The following ZNF592 variants were observed in gnomAD, a reference collection of about 807,000 sequenced individuals.
ZNF592 encodes the protein spinocerebellar ataxia, autosomal recessive 5.
A neutral mutation model predicts 80.3 loss-of-function variants in ZNF592; 11 were observed. That is an observed-to-expected ratio of 0.14 (90% confidence interval 0.09 to 0.23). ZNF592 has a LOEUF of 0.23. ZNF592 is among the 10% of genes least tolerant of loss of function. ZNF592 has a pLI of 1.00. For missense variants in ZNF592, 1,420 were observed against 1,633.9 expected (o/e 0.87, Z 2.26); for synonymous variants, 646 against 640.3 (o/e 1.01, Z -0.13).
Position 84,784,918 on chromosome 15 carries a change from G to T in ZNF592, c.2220+23G>T, listed in dbSNP as rs764091971. 5.0e-6 allele frequency: 8 copies of T among 1,613,718 alleles called. No individual in the cohort carries two copies. The highest frequency in any genetic ancestry group is 4.0e-5 in the African/African-American group (3 of 74,896). ...CTGGTAAGCAGACCCTCACTGTTACGGGTATCGGGCCCCTGGCTCACACAG... is the reference window on the plus strand; with the variant it reads ...CTGGTAAGCAGACCCTCACTGTTACTGGTATCGGGCCCCTGGCTCACACAG... On this transcript the variant is annotated intron_variant, in intron 4 of 10. Coordinates refer to ENST00000560079, the MANE Select transcript of ZNF592 (RefSeq NM_014630.3). The surrounding 1 kb of genome is among the most constrained non-coding windows in gnomAD (Gnocchi z 5.8).
At chr15:84,764,561 C>G in intron 1 of ZNF592, 146 bp from the exon 2 acceptor site, 1 of 380,568 alleles carries the variant, frequency 2.6e-6, no homozygotes, top group African/African-American at 2.1e-5. Flanking sequence ...CATTTGTGGC[C>G]TGCTTGAATT....
chr15:84,793,972 A>G (rs1962822217), intron 5 of ZNF592, among the ~76,000 whole-genome samples: 1 of 152,190 alleles, frequency 6.6e-6, no homozygotes, highest in Admixed American at 6.5e-5. Context: ...GCTGAAGAAC[A>G]TTCATGTACA....
chr15:84,794,939 A>AT (rs1195352086), intron 5 of ZNF592, among the ~76,000 whole-genome samples: 1 of 152,020 alleles, frequency 6.6e-6, no homozygotes, highest in East Asian at 1.9e-4. Context: ...GTGGATGTTA[A>AT]TTTTTTTAGT....
intron 1 of ZNF592, among the ~76,000 whole-genome samples, chr15:84,761,214 C>G (rs1317252628): frequency 6.6e-6 from 1 of 152,026 alleles, no homozygotes; most frequent in Non-Finnish European, 1.5e-5. Context: ...GATCCACCCA[C>G]CTTGGCCTCC....
chr15:84,802,202 T>G lies in ZNF592; in HGVS notation c.3613T>G (p.Ser1205Ala). Reference sequence around the variant, plus strand: ...GGAGGTGGCAGAGCCAGAGGAGGGCTCCGGGGAGGAGGTGCCCATGGAGAC... The same window carrying G: ...GGAGGTGGCAGAGCCAGAGGAGGGCGCCGGGGAGGAGGTGCCCATGGAGAC... ...AVEVAEPEEG[S>A]GEEVPMETRE... is the part of the protein sequence containing the mutation. The change falls in exon 11 of 11, where the codon TCC becomes GCC. Residue 1205 changes from serine to alanine, a missense_variant. Transcript: ENST00000560079. 1.9e-6 allele frequency: 3 copies of G among 1,600,684 alleles called. No homozygotes were observed. The highest frequency in any genetic ancestry group is 2.6e-6 in the Non-Finnish European group (3 of 1,170,438).
intron 10 of ZNF592, 101 bp downstream of exon 10, chr15:84,800,078 G>C (rs1567078803): frequency 6.4e-7 from 1 of 1,570,060 alleles, no homozygotes; most frequent in South Asian, 1.1e-5. Flanking sequence ...AACAACCAGA[G>C]TGACAGCTTC....
intron 1 of ZNF592, among the ~76,000 whole-genome samples, chr15:84,764,265 C>T (rs1263459106): frequency 2.6e-5 from 4 of 152,166 alleles, no homozygotes; most frequent in Non-Finnish European, 5.9e-5. Flanking sequence ...GGAGGGAAAG[C>T]TTGGTGGCCA....
At chr15:84,774,352 T>TA (rs1962180559) in intron 2 of ZNF592, among the ~76,000 whole-genome samples, 1 of 152,224 alleles carries the variant, frequency 6.6e-6, no homozygotes, top group East Asian at 1.9e-4. Flanking sequence ...TCTGCTAGAT[T>TA]ATTGGGTCCC....
intron 4 of ZNF592, among the ~76,000 whole-genome samples, chr15:84,789,488 T>C (rs909880765): frequency 6.6e-6 from 1 of 152,200 alleles, no homozygotes; most frequent in African/African-American, 2.4e-5. Flanking sequence ...CTTCTGTGTT[T>C]AATTTTCTGA....
chr15:84,774,773 TTTTGTTTG>T lies in ZNF592; in HGVS notation c.-149-3394_-149-3387del, dbSNP rs142502151. On this transcript the variant is annotated intron_variant, in intron 2 of 10. Transcript: ENST00000560079. ...CATAATTATATATAATCATACTGGT[TTTTGTTTG>T]TTTGTTTGTTTGTTTTTTGAGACAG... Among the ~76,000 whole-genome samples, 1,374 of 152,128 alleles carry T rather than the reference TTTTGTTTG, an allele frequency of 9.0e-3. 22 individuals are homozygous for T. The highest frequency in any genetic ancestry group is 0.032 in the African/African-American group (1,308 of 41,470).
Position 84,784,975 on chromosome 15 carries a change from A to C in ZNF592, c.2220+80A>C. ...TGACTGGGCATGGAGAGGAAAGCTC[A>C]TTGATATGGGGGCAGTGGTGGAATC... On this transcript the variant is annotated intron_variant, in intron 4 of 10. Coordinates refer to ENST00000560079, the MANE Select transcript of ZNF592 (RefSeq NM_014630.3). The surrounding 1 kb of genome is among the most constrained non-coding windows in gnomAD (Gnocchi z 5.8). 214 of 1,468,948 alleles carry C rather than the reference A, an allele frequency of 1.5e-4. No homozygotes were observed. Among genetic ancestry groups the C allele is most frequent in the Non-Finnish European group, 1.9e-4 (197 of 1,049,796 alleles). The allele number at this position is 1,468,948 out of a possible 1,614,324, so 91.0% of individuals were successfully genotyped here.
chr15:84,774,471 G>A, intron 2 of ZNF592, among the ~76,000 whole-genome samples: 1 of 152,216 alleles, frequency 6.6e-6, no homozygotes, highest in Middle Eastern at 3.2e-3. Context: ...CATATCTGGA[G>A]GTGAAGCTGG....
In ZNF592 at chr15:84,784,211, C is replaced by T. The variant is rs767292961; in HGVS notation, c.1536C>T (p.Pro512=). 8 of 1,614,220 alleles carry T rather than the reference C, an allele frequency of 5.0e-6. No homozygotes were observed. Among genetic ancestry groups the T allele is most frequent in the South Asian group, 1.1e-5 (1 of 91,090 alleles). ...AVHLANLNLV[P]HSVAASVTAK... is the part of the protein sequence containing the mutation. ...ACTTGGCCAACCTGAACCTCGTCCC[C>T]CACAGTGTTGCTGCATCAGTGACAG... Residue 512 remains proline, a synonymous_variant, in exon 4 of 11, where the codon CCC becomes CCT. Coordinates refer to ENST00000560079, the MANE Select transcript of ZNF592 (RefSeq NM_014630.3). This position sits in a 1 kb window ranked among gnomAD's most constrained non-coding sequence, Gnocchi z 5.8.
intron 1 of ZNF592, among the ~76,000 whole-genome samples, chr15:84,751,358 C>T (rs962109166): frequency 6.6e-6 from 1 of 152,240 alleles, no homozygotes; most frequent in South Asian, 2.1e-4. Flanking sequence ...CAAAGCACGT[C>T]TGCCTGAATT....
At chr15:84,748,714 G>A in intron 1 of ZNF592, 50 bp downstream of exon 1, 1 of 148,122 alleles carries the variant, frequency 6.8e-6, no homozygotes, top group South Asian at 1.8e-4. Context: ...GGCCGGGGCA[G>A]CCCCAGCCTG....
At chr15:84,754,422 T>A (rs566877515) in intron 1 of ZNF592, 2 of 151,880 alleles carry the variant, frequency 1.3e-5, no homozygotes, top group Admixed American at 6.6e-5. Flanking sequence ...ACAAGCTGAT[T>A]GTGGTGGCAC....
At chr15:84,764,140 G>A (rs769609642) in intron 1 of ZNF592, among the ~76,000 whole-genome samples, 16 of 152,104 alleles carry the variant, frequency 1.1e-4, no homozygotes, top group Admixed American at 5.2e-4. Flanking sequence ...CAGCTTCAGC[G>A]GGCATCCCGA....
intron 2 of ZNF592, among the ~76,000 whole-genome samples, chr15:84,770,532 G>A (rs565499531): frequency 6.6e-6 from 1 of 152,142 alleles, no homozygotes; most frequent in Non-Finnish European, 1.5e-5. Context: ...TGTATGTGTA[G>A]GTGCTCAAGA....
At chr15:84,789,945 T>G (rs781086008) in intron 4 of ZNF592, among the ~76,000 whole-genome samples, 1 of 152,226 alleles carries the variant, frequency 6.6e-6, no homozygotes, top group Non-Finnish European at 1.5e-5. Context: ...GCTCTGCCCA[T>G]CAGAGCGTAA....
Sources: allele counts gnomAD v4.1 joint callset (sites outside exome capture counted in the v4.1 genomes callset), GRCh38; gene constraint gnomAD v4.1.1; non-coding constraint Gnocchi (gnomAD v3.1); transcripts MANE v1.5; gene names NCBI Gene and HGNC (gene_info 2026-07-23, HGNC 2026-07-21).